NALF1: variants seen among roughly 807,000 people sequenced by gnomAD.
NALF1 encodes the protein family with sequence similarity 155 member A.
In NALF1, 3 loss-of-function variants were observed where a neutral mutation model predicts 48.4. The ratio of observed to expected loss-of-function variants is 0.06; its 90% confidence interval spans 0.03 to 0.16. NALF1 has a LOEUF of 0.16. Among genes scored for constraint, NALF1 ranks in the 10% least tolerant of loss-of-function variants. The pLI is 1.00. For synonymous variants in NALF1, 262 were observed against 245.7 expected, an observed-to-expected ratio of 1.07 and a Z score of -0.62; for missense variants, 526 against 571.5, an observed-to-expected ratio of 0.92 and a Z score of 0.81.
chr13:107,549,448 T>C (rs920093111), intron 1 of NALF1, among the ~76,000 whole-genome samples: 1 of 152,110 alleles, frequency 6.6e-6, no homozygotes, highest in African/African-American at 2.4e-5. Context: ...AATACAAAGG[T>C]ATCAAATTCA....
At chr13:107,522,833 G>A (rs1416708146) in intron 1 of NALF1, among the ~76,000 whole-genome samples, 5 of 151,814 alleles carry the variant, frequency 3.3e-5, no homozygotes, top group Admixed American at 3.3e-4. Context: ...TTGCAGGCTG[G>A]TCTCCAACTC....
At chr13:107,478,871 T>C (rs1401083920) in intron 1 of NALF1, among the ~76,000 whole-genome samples, 1 of 152,134 alleles carries the variant, frequency 6.6e-6, no homozygotes, top group African/African-American at 2.4e-5. Context: ...AAAATACATA[T>C]TTGAGAAATA....
intron 1 of NALF1, among the ~76,000 whole-genome samples, chr13:107,834,495 T>C (rs1594302946): frequency 6.6e-6 from 1 of 152,328 alleles, no homozygotes; most frequent in South Asian, 2.1e-4. Context: ...AGAGTAGTCA[T>C]CAGAGTACTG....
chr13:107,516,115 T>C (rs1018948121), intron 1 of NALF1, among the ~76,000 whole-genome samples: 2 of 152,194 alleles, frequency 1.3e-5, no homozygotes, highest in Non-Finnish European at 2.9e-5. Flanking sequence ...ACTGGAAAGG[T>C]TGAAGCTCTT....
chr13:107,618,508 A>T (rs1054318416), intron 1 of NALF1, among the ~76,000 whole-genome samples: 6 of 152,218 alleles, frequency 3.9e-5, no homozygotes, highest in African/African-American at 1.4e-4. Flanking sequence ...GCAGAAAATG[A>T]ATTAGAGTCA....
At chr13:107,829,436 A>C (rs1266652771) in intron 1 of NALF1, among the ~76,000 whole-genome samples, 1 of 152,156 alleles carries the variant, frequency 6.6e-6, no homozygotes, top group East Asian at 1.9e-4. Context: ...ATGTTGACAT[A>C]AATATACTCC....
chr13:107,412,462 CTTG>C (rs780626394), intron 1 of NALF1, among the ~76,000 whole-genome samples: 37 of 152,214 alleles, frequency 2.4e-4, no homozygotes, highest in Admixed American at 1.5e-3. Flanking sequence ...ACATCACTGA[CTTG>C]TTGTTGCTGG....
chr13:107,823,574 C>A (rs1376073225), intron 1 of NALF1, among the ~76,000 whole-genome samples: 5 of 150,790 alleles, frequency 3.3e-5, no homozygotes, highest in African/African-American at 1.2e-4. Context: ...TGGTCAGTAA[C>A]CCCCGTGGCC....
intron 1 of NALF1, among the ~76,000 whole-genome samples, chr13:107,469,994 C>T (rs967792233): frequency 3.9e-5 from 6 of 152,040 alleles, no homozygotes; most frequent in Non-Finnish European, 8.8e-5. Flanking sequence ...CTGCCCGACT[C>T]GGCCTCCCAA....
intron 1 of NALF1, among the ~76,000 whole-genome samples, chr13:107,663,393 G>A (rs927008662): frequency 2.0e-5 from 3 of 152,116 alleles, no homozygotes; most frequent in Non-Finnish European, 4.4e-5. Context: ...GGTATGTAGC[G>A]GATTTATCAC....
chr13:107,315,915 T>C (rs929557821), intron 1 of NALF1, among the ~76,000 whole-genome samples: 3 of 151,100 alleles, frequency 2.0e-5, no homozygotes, highest in Non-Finnish European at 4.4e-5. Context: ...TTATTTATTA[T>C]ACTTTAAGTT....
chr13:107,844,795 C>T (rs1880129147), intron 1 of NALF1, among the ~76,000 whole-genome samples: 1 of 152,084 alleles, frequency 6.6e-6, no homozygotes, highest in Admixed American at 6.6e-5. Context: ...AGAAAAAGAC[C>T]ATAGCTAAAC....
chr13:107,617,103 T>C (rs1879400419), intron 1 of NALF1, among the ~76,000 whole-genome samples: 1 of 152,228 alleles, frequency 6.6e-6, no homozygotes, highest in African/African-American at 2.4e-5. Context: ...GTCTGGAATT[T>C]AATCATCCAA....
At chr13:107,186,328 A>G (rs1051574240) in intron 2 of NALF1, among the ~76,000 whole-genome samples, 3 of 152,060 alleles carry the variant, frequency 2.0e-5, no homozygotes, top group African/African-American at 7.2e-5. Flanking sequence ...TTCCAACTTT[A>G]CCACTGTCTG....
chr13:107,221,756 G>T (rs1879998383), intron 1 of NALF1, among the ~76,000 whole-genome samples: 1 of 151,970 alleles, frequency 6.6e-6, no homozygotes, highest in South Asian at 2.1e-4. Flanking sequence ...ATGTAACAGA[G>T]ACAGGGTGGG....
chr13:107,522,742 T>C (rs1038480859), intron 1 of NALF1, among the ~76,000 whole-genome samples: 2 of 152,066 alleles, frequency 1.3e-5, no homozygotes, highest in African/African-American at 4.8e-5. Context: ...TAGCTGAGAT[T>C]ACAGGTATGT....
intron 2 of NALF1, among the ~76,000 whole-genome samples, chr13:107,176,373 T>C (rs12858291): frequency 2.1e-5 from 3 of 144,612 alleles, no homozygotes; most frequent in African/African-American, 7.7e-5. Flanking sequence ...CTGGATGCGG[T>C]GGCTCATGCC....
intron 1 of NALF1, among the ~76,000 whole-genome samples, chr13:107,495,562 TA>T (rs1285211341): frequency 2.0e-5 from 3 of 152,326 alleles, no homozygotes; most frequent in South Asian, 2.1e-4. Flanking sequence ...AAGTGTCTTG[TA>T]TACCCTGTAG....
intron 2 of NALF1, among the ~76,000 whole-genome samples, chr13:107,172,130 T>C (rs1878818972): frequency 6.6e-6 from 1 of 152,228 alleles, no homozygotes; most frequent in African/African-American, 2.4e-5. Context: ...CTTCCTAAAA[T>C]GTCCTCCACC....
Sources: allele counts gnomAD v4.1 joint callset (sites outside exome capture counted in the v4.1 genomes callset), GRCh38; gene constraint gnomAD v4.1.1; transcripts MANE v1.5; gene names NCBI Gene and HGNC (gene_info 2026-07-23, HGNC 2026-07-21).